Variants in ARHGAP8 observed in about 807,000 individuals in gnomAD.
ARHGAP8 encodes the protein rho GTPase-activating protein 8.
A neutral mutation model predicts 46.1 loss-of-function variants in ARHGAP8; 62 were observed. That is an observed-to-expected ratio of 1.34 (90% CI 1.10 to 1.66). The LOEUF (loss-of-function observed/expected upper bound fraction) is 1.66. Ranked by LOEUF, ARHGAP8 falls within the 40% of genes most tolerant of loss-of-function variation. The pLI, the probability that ARHGAP8 is intolerant of heterozygous loss-of-function variation, is 0.00. For synonymous variants in ARHGAP8, 375 were observed against 243.1 expected, an observed-to-expected ratio of 1.54 and a Z score of -5.05; for missense variants, 923 against 568.4, an observed-to-expected ratio of 1.62 and a Z score of -6.34.
At chr22:44,817,931 A>AT (rs1929866822) in intron 5 of ARHGAP8, among the ~76,000 whole-genome samples, 1 of 152,178 alleles carries the variant, frequency 6.6e-6, no homozygotes, top group Non-Finnish European at 1.5e-5. Context: ...CCTGGGTAAC[A>AT]TGGCGGAACC....
In ARHGAP8 at chr22:44,763,288, G is replaced by C. The variant is rs554000061; in HGVS notation, c.-72+10661G>C. Among the ~76,000 whole-genome samples the C allele has an allele frequency of 3.2e-4, 48 of 151,984 alleles. No homozygotes were observed. In the South Asian group the frequency reaches 0.01, roughly 32 times the overall value. On this transcript the variant is annotated intron_variant, in intron 1 of 11. Transcript: ENST00000356099. ...AAGGCGGGTGGATCACTTGAGGCCA[G>C]GAGTTCGAGACCAACCTGGCCAACA...
intron 1 of ARHGAP8, among the ~76,000 whole-genome samples, chr22:44,754,633 G>T (rs1924524825): frequency 6.6e-6 from 1 of 152,056 alleles, no homozygotes. Context: ...TTGGAGTGCT[G>T]GGATTACAGG....
rs373992946 is a variant in ARHGAP8 at position 44,860,206 on chromosome 22, A to C, written c.981+372A>C. On this transcript the variant is annotated intron_variant, in intron 11 of 11. Transcript: ENST00000356099. Reference sequence around the variant, plus strand: ...CAGAGCCCAGTGGACTGAGCTGACCATTCCTGGGGAAGGGATACACCCAGA... The same window carrying C: ...CAGAGCCCAGTGGACTGAGCTGACCCTTCCTGGGGAAGGGATACACCCAGA... 6.1e-5 allele frequency among the ~76,000 whole-genome samples: 9 copies of C among 147,856 alleles called. 1 individual carries two copies. Among genetic ancestry groups the C allele is most frequent in the East Asian group, 2.5e-4 (1 of 4,024 alleles).
chr22:44,858,551 T>TTTTTTTTTTTTA (rs397964298), intron 10 of ARHGAP8, among the ~76,000 whole-genome samples: 2 of 117,912 alleles, frequency 1.7e-5, no homozygotes, highest in South Asian at 2.3e-4. Flanking sequence ...TTTTTTTTTT[T>TTTTTTTTTTTTA]AAGTAACAGG....
intron 5 of ARHGAP8, among the ~76,000 whole-genome samples, chr22:44,815,489 G>A (rs769740872): frequency 1.3e-5 from 2 of 151,994 alleles, no homozygotes; most frequent in East Asian, 3.9e-4. Context: ...TTACCAGGCC[G>A]ACTCTCCCAG....
At chr22:44,770,440 G>A (rs1301174535) in intron 1 of ARHGAP8, among the ~76,000 whole-genome samples, 1 of 150,116 alleles carries the variant, frequency 6.7e-6, no homozygotes, top group Admixed American at 6.7e-5. Flanking sequence ...GTGTCTCTCT[G>A]TATCACCCAG....
intron 10 of ARHGAP8, among the ~76,000 whole-genome samples, chr22:44,853,051 C>T (rs2070136097): frequency 6.6e-6 from 1 of 152,232 alleles, no homozygotes; most frequent in South Asian, 2.1e-4. Context: ...ATCCGCCCAC[C>T]TCAGCCTCCC....
intron 7 of ARHGAP8, among the ~76,000 whole-genome samples, chr22:44,830,856 G>A (rs771933122): frequency 1.3e-5 from 2 of 152,004 alleles, no homozygotes; most frequent in African/African-American, 2.4e-5. Context: ...ATTTTTTATC[G>A]TAGCCATCCT....
At position 44,848,786 on chromosome 22, in the gene ARHGAP8, G is replaced by T. The variant is rs75790534; in HGVS notation, c.749-146G>T. On this transcript the variant is annotated intron_variant, in intron 9 of 11. Transcript: ENST00000356099. Reference sequence around the variant, plus strand: ...GCCAGAGCACACCCATTTCTAGGTGGGGACAGCATCATCCCTAGGACACAT... The same window carrying T: ...GCCAGAGCACACCCATTTCTAGGTGTGGACAGCATCATCCCTAGGACACAT... The T allele has an allele frequency of 2.3e-3, 3,246 of 1,431,198 alleles. 82 individuals are homozygous for T. In the African/African-American group the frequency reaches 0.042, roughly 18 times the overall value. The allele number at this position is 1,431,198 out of a possible 1,614,324, so 88.7% of individuals were successfully genotyped here. A position where few individuals can be genotyped will look rare whatever the true frequency, so the allele number is the denominator to read the frequency against.
At chr22:44,801,069 C>T (rs375006767) in intron 2 of ARHGAP8, among the ~76,000 whole-genome samples, 8 of 56,558 alleles carry the variant, frequency 1.4e-4, no homozygotes, top group Admixed American at 1.7e-4. Context: ...CGCAGCTGTC[C>T]ATGTGTGAGG....
At chr22:44,853,091 C>T (rs5765057) in intron 10 of ARHGAP8, among the ~76,000 whole-genome samples, 7,464 of 149,606 alleles carry the variant, frequency 0.05, 441 homozygotes, top group East Asian at 0.32. Flanking sequence ...CATGAGCCAC[C>T]GTGTCCGGCC....
intron 7 of ARHGAP8, among the ~76,000 whole-genome samples, chr22:44,829,663 A>T (rs1930800640): frequency 6.6e-6 from 1 of 152,238 alleles, no homozygotes; most frequent in Non-Finnish European, 1.5e-5. Context: ...GCCAATGATT[A>T]TAATAAAATG....
intron 1 of ARHGAP8, among the ~76,000 whole-genome samples, chr22:44,760,631 G>T: frequency 6.6e-6 from 1 of 152,366 alleles, no homozygotes; most frequent in Middle Eastern, 3.4e-3. Flanking sequence ...CCCGAGGTAA[G>T]TAGGTGTTAA....
chr22:44,793,219 G>A (rs994551067), intron 2 of ARHGAP8, among the ~76,000 whole-genome samples: 1 of 152,158 alleles, frequency 6.6e-6, no homozygotes, highest in African/African-American at 2.4e-5. Context: ...CTGGTCTGGG[G>A]CTGAGGCTGG....
At chr22:44,798,088 T>C (rs1381815778) in intron 2 of ARHGAP8, among the ~76,000 whole-genome samples, 2 of 151,720 alleles carry the variant, frequency 1.3e-5, no homozygotes, top group Admixed American at 1.3e-4. Flanking sequence ...GAGATTCTCC[T>C]GCCTCAGCTT....
chr22:44,800,555 TG>T lies in ARHGAP8; in HGVS notation c.80-1516del, dbSNP rs1250490983. On this transcript the variant is annotated intron_variant, in intron 2 of 11. Coordinates refer to ENST00000356099, the MANE Select transcript of ARHGAP8 (RefSeq NM_181335.3). The stretch of plus-strand genomic sequence containing the variant: ...ACCCCTCCCCGCAGCTGTCCATGTG[TG>T]GGGGGCGCCCCTCCCCGCAGCTGTC... 1.4e-3 allele frequency among the ~76,000 whole-genome samples: 197 copies of T among 142,302 alleles called. 2 individuals are homozygous for T. Among genetic ancestry groups the T allele is most frequent in the African/African-American group, 4.9e-3 (183 of 37,428 alleles). 93.4% of individuals were successfully genotyped at this position (142,302 alleles called of 152,430 possible).
intron 1 of ARHGAP8, among the ~76,000 whole-genome samples, chr22:44,753,160 A>G (rs561959284): frequency 2.0e-5 from 3 of 148,750 alleles, no homozygotes; most frequent in African/African-American, 5.0e-5. Flanking sequence ...ATTCAAACTC[A>G]GGGGGTGGGG....
chr22:44,826,962 G>T (rs1372212772), intron 7 of ARHGAP8, among the ~76,000 whole-genome samples: 2 of 152,186 alleles, frequency 1.3e-5, no homozygotes, highest in Non-Finnish European at 2.9e-5. Flanking sequence ...CATGGCCCCC[G>T]ACGAAGTCCA....
intron 10 of ARHGAP8, among the ~76,000 whole-genome samples, chr22:44,855,809 C>T (rs1255520114): frequency 6.6e-6 from 1 of 152,150 alleles, no homozygotes; most frequent in Non-Finnish European, 1.5e-5. Context: ...AGGATGTCAG[C>T]TGTCGCCGAG....
Sources: gnomAD v4.1 joint callset for allele counts (sites outside exome capture counted in the v4.1 genomes callset) on GRCh38, gnomAD v4.1.1 for gene constraint, MANE v1.5 for transcripts, NCBI Gene and HGNC (gene_info 2026-07-23, HGNC 2026-07-21) for gene names.